The following HR variants were observed in gnomAD, a reference collection of about 807,000 sequenced individuals.
HR encodes lysine-specific demethylase hairless.
Under a neutral mutation model 128.6 loss-of-function variants are expected in HR, and 83 were observed. The ratio of observed to expected loss-of-function variants is 0.65; its 90% confidence interval spans 0.54 to 0.77. The LOEUF (loss-of-function observed/expected upper bound fraction) is 0.77. Ranked by LOEUF, HR falls within the 30% of genes least tolerant of loss-of-function variation. The probability of loss-of-function intolerance (pLI) is 0.00; values close to 1 mark genes in which losing one functional copy is unlikely to be tolerated. For missense variants in HR, 1,490 were observed against 1,574.6 expected (o/e 0.95, Z 0.91); for synonymous variants, 681 against 658.2 (o/e 1.03, Z -0.53).
chr8:22,116,289 A>G lies in HR; in HGVS notation c.3507+11T>C, dbSNP rs1826584220. ...TAGCACACCCAGCCTGCTGGCCCAC[A>G]TCCCACTCACCTGGGCATAAAGCAG... is the stretch of plus-strand genomic sequence containing the variant. On this transcript the variant is annotated intron_variant, in intron 18 of 18. Coordinates refer to ENST00000381418, the MANE Select transcript of HR (RefSeq NM_005144.5). This position sits in a 1 kb window ranked among gnomAD's most constrained non-coding sequence, Gnocchi z 4.2. 1 of 1,611,758 alleles carries G rather than the reference A, an allele frequency of 6.2e-7. No homozygotes were observed. Among genetic ancestry groups the G allele is most frequent in the East Asian group, 2.2e-5 (1 of 44,890 alleles).
Position 22,121,663 on chromosome 8 carries a change from G to A in HR, c.2153C>T (p.Pro718Leu). 1.2e-6 allele frequency: 2 copies of A among 1,614,172 alleles called. No homozygotes were observed. Among genetic ancestry groups the A allele is most frequent in the Non-Finnish European group, 1.7e-6 (2 of 1,180,032 alleles). Residue 718 changes from proline (P) to leucine (L), a missense_variant, in exon 9 of 19, where the codon CCA becomes CTA. Physicochemically the swap from Pro to Leu is moderately conservative, Grantham distance 98 (BLOSUM62 -3). Coordinates refer to ENST00000381418, the MANE Select transcript of HR (RefSeq NM_005144.5). The part of the protein sequence containing the change: ...KESTQKTPPT[P>L]QPSCNGDTHR... ...GGTGTCGCCATTGCAGGAAGGTTGT[G>A]GAGTTGGGGGCGTTTTCTGTGTTGA...
chr8:22,123,956 G>C, intron 5 of HR, 143 bp from the exon 6 acceptor site: 2 of 940,212 alleles, frequency 2.1e-6, no homozygotes, highest in Admixed American at 2.0e-5. Context: ...AGGGAGACAG[G>C]CCCCTCGACA....
Position 22,116,414 on chromosome 8 carries a change from C to G in HR, c.3393G>C (p.Val1131=), listed in dbSNP as rs756673240. 8.7e-6 allele frequency: 14 copies of G among 1,613,722 alleles called. No individual in the cohort carries two copies. Among genetic ancestry groups the G allele is most frequent in the Non-Finnish European group, 1.2e-5 (14 of 1,179,906 alleles). The stretch of plus-strand genomic sequence containing the variant: ...AGTGCTGAGTGACGCTGACTGTGCT[C>G]ACCAGGCCCTGCACCTGTGTCGGGG... The part of the protein sequence containing the change: ...AGAPHQVQGL[V]STVSVTQHFL... Residue 1131 remains valine, a synonymous_variant, in exon 18 of 19, where the codon GTG becomes GTC. Transcript: ENST00000381418. This position sits in a 1 kb window ranked among gnomAD's most constrained non-coding sequence, Gnocchi z 4.2.
In HR at chr8:22,119,178, T is replaced by A; in HGVS notation, c.3083A>T (p.His1028Leu). ...CGAGGACCTACCTTTCTGTGCCCGG[T>A]GCCAGGCAGGCAGTGGTGTGTCGGC... ...VHADTPLPAW[H>L]RAQKDFLSGL... The change falls in exon 15 of 19, where the codon CAC (histidine) becomes CTC (leucine). Residue 1028 changes from histidine (H) to leucine (L), a missense_variant. His to Leu is a moderately conservative substitution (Grantham distance 99). Transcript: ENST00000381418. 3 of 1,613,806 alleles carry A rather than the reference T, an allele frequency of 1.9e-6. No homozygotes were observed. The highest frequency in any genetic ancestry group is 2.5e-6 in the Non-Finnish European group (3 of 1,180,018).
At chr8:22,121,295 G>T in intron 9 of HR, 67 bp from the exon 10 acceptor site, 1 of 1,568,946 alleles carries the variant, frequency 6.4e-7, no homozygotes, top group Non-Finnish European at 8.7e-7. Context: ...AGGCCCTCTT[G>T]CCCATGCTGC....
chr8:22,127,501 C>A lies in HR; in HGVS notation c.941G>T (p.Cys314Phe), dbSNP rs1458488844. Residue 314 changes from cysteine to phenylalanine, a missense_variant, in exon 3 of 19, where the codon TGC becomes TTC. By Grantham distance (205) the Cys-to-Phe change is radical. Around this residue, in one of 3 missense-constraint regions of HR, gnomAD observed 1,060 missense variants for 1,060.9 expected, o/e 1.00. Coordinates refer to ENST00000381418, the MANE Select transcript of HR (RefSeq NM_005144.5). ...GGTGACAGGCGGCTCAGGAGAGGGG[C>A]ACCTTGGTGTTGCTGGTGGCCCCAG... Reference protein sequence around the residue: ...YQLGPPATPRCPSPEPPVTQR... With the variant: ...YQLGPPATPRFPSPEPPVTQR... 1.9e-6 allele frequency: 3 copies of A among 1,612,400 alleles called. No individual in the cohort carries two copies. Among genetic ancestry groups the A allele is most frequent in the Non-Finnish European group, 2.5e-6 (3 of 1,179,510 alleles).
At chr8:22,122,398 C>T in intron 8 of HR, 95 bp downstream of exon 8, 1 of 856,908 alleles carries the variant, frequency 1.2e-6, no homozygotes, top group Non-Finnish European at 1.9e-6. Context: ...GCTTCTCTCT[C>T]TTCATCCCCA....
chr8:22,115,879 C>A, intron 18 of HR, 117 bp from the exon 19 acceptor site: 1 of 1,046,270 alleles, frequency 9.6e-7, no homozygotes, highest in South Asian at 1.3e-5. Flanking sequence ...ACCTGTAATC[C>A]CAGCACTTTG....
chr8:22,115,386 C>A lies in HR; in HGVS notation c.*314G>T. 1.9e-6 allele frequency: 1 copy of A among 519,650 alleles called. No individual in the cohort carries two copies. Among genetic ancestry groups the A allele is most frequent in the African/African-American group, 1.9e-5 (1 of 52,372 alleles). The allele number at this position is 519,650 out of a possible 1,614,324, so 32.2% of individuals were successfully genotyped here. A position where few individuals can be genotyped will look rare whatever the true frequency, so the allele number is the denominator to read the frequency against. On this transcript the variant is annotated 3_prime_UTR_variant, in exon 19 of 19. Coordinates refer to ENST00000381418, the MANE Select transcript of HR (RefSeq NM_005144.5). ...ATTCCCAAGTTTCCCCAAGGAAGGG[C>A]TGTTTGTCTCCTGGGTCTCGGAGGA...
At position 22,120,812 on chromosome 8, in the gene HR, C is replaced by T; in HGVS notation, c.2514G>A (p.Arg838=). The T allele has an allele frequency of 6.5e-7, 1 of 1,546,352 alleles. No individual in the cohort carries two copies. The highest frequency in any genetic ancestry group is 8.7e-7 in the Non-Finnish European group (1 of 1,143,856). Residue 838 remains arginine (R), a synonymous_variant, in exon 11 of 19, where the codon CGG becomes CGA. Coordinates refer to ENST00000381418, the MANE Select transcript of HR (RefSeq NM_005144.5). ...ACAGCAAAGCCCCTGGGGGAGGCAG[C>T]CGGGGCCGCACTGGAGAGAGGGGCA... ...LGLPLSPVRP[R]LPPPGALLWL... is the part of the protein sequence containing the mutation.
At chr8:22,123,617 T>TTGGGGGGCCCC in intron 6 of HR, 32 bp downstream of exon 6, 37 of 292,088 alleles carry the variant, frequency 1.3e-4, no homozygotes, top group Non-Finnish European at 2.1e-4. Flanking sequence ...GAGGGCTCCA[T>TTGGGGGGCCCC]CCCGCCCTCC....
chr8:22,124,222 C>T (rs1826829371), intron 5 of HR, among the ~76,000 whole-genome samples: 1 of 152,202 alleles, frequency 6.6e-6, no homozygotes, highest in African/African-American at 2.4e-5. Context: ...GCCATTTCCT[C>T]CAGGAGACTT....
At chr8:22,123,619 CCG>C in intron 6 of HR, 28 bp downstream of exon 6, 4 of 229,350 alleles carry the variant, frequency 1.7e-5, no homozygotes, top group Admixed American at 5.7e-5. Context: ...GGGCTCCATC[CCG>C]CCCTCCCACC....
chr8:22,127,713 G>A lies in HR; in HGVS notation c.729C>T (p.Ala243=), dbSNP rs79783229. Residue 243 remains alanine, a synonymous_variant, in exon 3 of 19, where the codon GCC becomes GCT. Coordinates refer to ENST00000381418, the MANE Select transcript of HR (RefSeq NM_005144.5). ...SGGHLQRAGE[A]ERPSLHQRDG... ...CCCTCTGGTGCAGTGAAGGGCGTTC[G>A]GCCTCCCCGGCTCTCTGCAGGTGCC... 2.6e-4 allele frequency: 422 copies of A among 1,607,320 alleles called. 4 individuals are homozygous for A. In the African/African-American group the frequency reaches 3.3e-3, roughly 12 times the overall value.
chr8:22,117,052 A>G lies in HR; in HGVS notation c.3214-13T>C. ...CGGCCGGGCACACCTCAAAGAAGAGAAGGGGGAATGAGCGAGATGGGGAGG... is the reference window on the plus strand; with the variant it reads ...CGGCCGGGCACACCTCAAAGAAGAGGAGGGGGAATGAGCGAGATGGGGAGG... On this transcript the variant is annotated splice_polypyrimidine_tract_variant and intron_variant, in intron 16 of 18. Transcript: ENST00000381418. The G allele has an allele frequency of 1.4e-6, 2 of 1,480,456 alleles. No individual in the cohort carries two copies. Among genetic ancestry groups the G allele is most frequent in the Non-Finnish European group, 8.9e-7 (1 of 1,121,346 alleles). The allele number at this position is 1,480,456 out of a possible 1,614,324, so 91.7% of individuals were successfully genotyped here.
At chr8:22,118,392 C>T in intron 16 of HR, 1 of 159,496 alleles carries the variant, frequency 6.3e-6, no homozygotes, top group Non-Finnish European at 1.4e-5. Flanking sequence ...TTCCCTCAGC[C>T]CCCTTCCTTG....
rs1371444560 is a variant in HR, at chr8:22,115,626, C to T, written c.*74G>A. ...ATCCCCAAGTCCCCTAGCGCCATCC[C>T]CTGCTGAAGTTGTGCCTGGGCTGAG... On this transcript the variant is annotated 3_prime_UTR_variant, in exon 19 of 19. Coordinates refer to ENST00000381418, the MANE Select transcript of HR (RefSeq NM_005144.5). 3.0e-6 allele frequency: 4 copies of T among 1,326,066 alleles called. No homozygotes were observed. In the East Asian group the frequency reaches 9.2e-5, roughly 31 times the overall value. 82.1% of individuals were successfully genotyped at this position (1,326,066 alleles called of 1,614,324 possible).
chr8:22,118,530 A>G (rs926270919), intron 16 of HR: 3 of 236,474 alleles, frequency 1.3e-5, no homozygotes, highest in Non-Finnish European at 1.7e-5. Flanking sequence ...AGCATAGAGT[A>G]GTGACCTGGG....
In HR at chr8:22,120,459, C is replaced by G; in HGVS notation, c.2659G>C (p.Gly887Arg). Residue 887 changes from glycine (G) to arginine (R), a missense_variant, in exon 12 of 19, where the codon GGG becomes CGG. Physicochemically the swap from Gly to Arg is moderately radical, Grantham distance 125. Transcript: ENST00000381418. ...IQRTLQGNLW[G>R]TEALGALGGQ... ...CCAAGTGCCCCAAGAGCTTCTGTCCCCCACAGGTTGCCCTGCAATGTCCTT... is the reference window on the plus strand; with the variant it reads ...CCAAGTGCCCCAAGAGCTTCTGTCCGCCACAGGTTGCCCTGCAATGTCCTT... 1 of 1,614,066 alleles carries G rather than the reference C, an allele frequency of 6.2e-7. No homozygotes were observed. Among genetic ancestry groups the G allele is most frequent in the African/African-American group, 1.3e-5 (1 of 75,064 alleles).
Sources: allele counts gnomAD v4.1 joint callset (sites outside exome capture counted in the v4.1 genomes callset), GRCh38; gene constraint gnomAD v4.1.1; regional missense constraint gnomAD v4.1.1; non-coding constraint Gnocchi (gnomAD v3.1); transcripts MANE v1.5; gene names NCBI Gene and HGNC (gene_info 2026-07-23, HGNC 2026-07-21).